Variants in SRGAP2B observed in about 807,000 individuals in gnomAD.
SRGAP2B encodes the protein SLIT-ROBO Rho GTPase activating protein 2B.
A neutral mutation model predicts 22.2 loss-of-function variants in SRGAP2B; 9 were observed. That is an observed-to-expected ratio of 0.41 (90% CI 0.24 to 0.71). SRGAP2B has a LOEUF of 0.71. SRGAP2B is among the 30% of genes least tolerant of loss of function. SRGAP2B has a pLI of 0.35. For synonymous variants in SRGAP2B, 36 were observed against 87.4 expected (o/e 0.41, Z 3.28); for missense variants, 114 against 235.8 (o/e 0.48, Z 3.38).
intron 2 of SRGAP2B, among the ~76,000 whole-genome samples, chr1:145,040,430 A>C (rs1553627272): frequency 6.7e-6 from 1 of 148,596 alleles, no homozygotes; most frequent in African/African-American, 2.5e-5. Context: ...TGTCTCCTCA[A>C]AACTTAAATT....
chr1:144,902,613 T>G (rs1662714289), intron 7 of SRGAP2B, among the ~76,000 whole-genome samples: 5 of 135,310 alleles, frequency 3.7e-5, no homozygotes, highest in Admixed American at 7.6e-5. Context: ...ATACAAAAAA[T>G]TAGCTGGGCG....
chr1:145,016,692 G>A (rs1448240555), intron 2 of SRGAP2B, among the ~76,000 whole-genome samples: 1 of 106,346 alleles, frequency 9.4e-6, no homozygotes, highest in Non-Finnish European at 1.8e-5. Context: ...TCAGGTTCTG[G>A]ACCCTGAACA....
chr1:144,910,578 C>T (rs1216645626), intron 5 of SRGAP2B, among the ~76,000 whole-genome samples: 1 of 147,502 alleles, frequency 6.8e-6, no homozygotes, highest in Admixed American at 6.7e-5. Flanking sequence ...ATAACAACAG[C>T]CCCAAAGTGT....
chr1:145,088,488 C>T lies in SRGAP2B; in HGVS notation c.67+4347G>A, dbSNP rs1278882270. Among the ~76,000 whole-genome samples the T allele has an allele frequency of 1.2e-4, 17 of 144,860 alleles. No homozygotes were observed. The South Asian group carries it at 3.0e-3, about 26-fold the overall frequency. On this transcript the variant is annotated intron_variant, in intron 2 of 9. Coordinates refer to ENST00000612199, the Ensembl canonical transcript of SRGAP2B. ...AAAAAGACAAGACCCCTAATGTTCT[C>T]GAGAAAGAAAATGTGACTGCTCAGC...
At chr1:145,080,007 T>TG in intron 2 of SRGAP2B, among the ~76,000 whole-genome samples, 1 of 149,478 alleles carries the variant, frequency 6.7e-6, no homozygotes, top group East Asian at 1.9e-4. Context: ...ATTTCTTTAA[T>TG]TTTCATTAAG....
chr1:145,086,713 C>T (rs1197494005), intron 2 of SRGAP2B, among the ~76,000 whole-genome samples: 4 of 87,314 alleles, frequency 4.6e-5, no homozygotes, highest in African/African-American at 2.1e-4. Context: ...AAAAAGAACA[C>T]CCCTATGTTA....
chr1:144,931,512 T>C (rs1487623958), intron 4 of SRGAP2B, among the ~76,000 whole-genome samples: 1 of 150,622 alleles, frequency 6.6e-6, no homozygotes, highest in Non-Finnish European at 1.5e-5. Context: ...ATTCATCAGA[T>C]ATATTCTGCA....
chr1:145,082,311 AT>A (rs1653007706), intron 2 of SRGAP2B, among the ~76,000 whole-genome samples: 1 of 141,656 alleles, frequency 7.1e-6, no homozygotes, highest in African/African-American at 2.9e-5. Context: ...CTCCTTCCCC[AT>A]TTACCAAAGA....
intron 2 of SRGAP2B, among the ~76,000 whole-genome samples, chr1:145,007,854 T>C (rs1671720198): frequency 8.8e-6 from 1 of 113,342 alleles, no homozygotes; most frequent in Non-Finnish European, 1.7e-5. Context: ...TTGCCCAGGC[T>C]GGAGTGCAAT....
chr1:144,969,901 A>G (rs1366737608), intron 3 of SRGAP2B, among the ~76,000 whole-genome samples: 1 of 150,986 alleles, frequency 6.6e-6, no homozygotes, highest in Non-Finnish European at 1.5e-5. Flanking sequence ...AAAAATGCTC[A>G]TCATCACTGG....
At chr1:144,985,733 A>G (rs1269263607) in intron 3 of SRGAP2B, among the ~76,000 whole-genome samples, 1 of 149,628 alleles carries the variant, frequency 6.7e-6, no homozygotes, top group African/African-American at 2.5e-5. Flanking sequence ...ACAGAATTTC[A>G]GACATTAGCA....
At chr1:144,912,044 A>G (rs1446199899) in intron 5 of SRGAP2B, among the ~76,000 whole-genome samples, 31 of 118,026 alleles carry the variant, frequency 2.6e-4, no homozygotes, top group Middle Eastern at 6.5e-3. Context: ...TCTGCCTCCC[A>G]GGTTCAAGCC....
In SRGAP2B at chr1:145,040,488, A is replaced by G. The variant is rs587685145; in HGVS notation, c.68-45288T>C. On this transcript the variant is annotated intron_variant, in intron 2 of 9. Coordinates refer to ENST00000612199, the Ensembl canonical transcript of SRGAP2B. ...TAAACTCTTCCTATAAAGGCCAGAT[A>G]GTAAATATTTTAGGCTTCTGGGCCA... is the stretch of plus-strand genomic sequence containing the variant. Among the ~76,000 whole-genome samples, 6 of 151,092 alleles carry G rather than the reference A, an allele frequency of 4.0e-5. No individual in the cohort carries two copies. In the South Asian group the frequency reaches 1.1e-3, roughly 27 times the overall value.
intron 2 of SRGAP2B, among the ~76,000 whole-genome samples, chr1:145,017,867 A>G (rs1553623500): frequency 1.3e-5 from 2 of 150,758 alleles, no homozygotes; most frequent in Admixed American, 1.3e-4. Context: ...TTTCTTCCTA[A>G]TTGCCTCTAT....
intron 2 of SRGAP2B, among the ~76,000 whole-genome samples, chr1:145,079,756 CA>C (rs1163579429): frequency 7.1e-6 from 1 of 140,040 alleles, no homozygotes; most frequent in Non-Finnish European, 1.5e-5. Flanking sequence ...GAAAACATTT[CA>C]ATTCCACATT....
chr1:144,965,263 G>C (rs1377473541), intron 3 of SRGAP2B: 1 of 487,442 alleles, frequency 2.1e-6, no homozygotes, highest in Admixed American at 3.2e-5. Flanking sequence ...GAAGAGAGCA[G>C]TGGTTCTCCC....
At chr1:144,921,657 T>TA (rs1354062236) in intron 4 of SRGAP2B, among the ~76,000 whole-genome samples, 1 of 121,554 alleles carries the variant, frequency 8.2e-6, no homozygotes, top group African/African-American at 3.5e-5. Flanking sequence ...CTGAAAAACT[T>TA]AGTCTAAAAA....
At chr1:145,032,577 GAA>G (rs1206185357) in intron 2 of SRGAP2B, among the ~76,000 whole-genome samples, 1 of 77,148 alleles carries the variant, frequency 1.3e-5, no homozygotes, top group Non-Finnish European at 2.3e-5. Context: ...CCATCTCAAA[GAA>G]AAAAAAAAAG....
chr1:144,970,668 C>T (rs1349061188), intron 3 of SRGAP2B, among the ~76,000 whole-genome samples: 3 of 146,442 alleles, frequency 2.0e-5, no homozygotes, highest in Non-Finnish European at 4.5e-5. Flanking sequence ...AAGCATGATT[C>T]AGTGTAGTTG....
Sources: allele counts gnomAD v4.1 joint callset (sites outside exome capture counted in the v4.1 genomes callset), GRCh38; gene constraint gnomAD v4.1.1; transcripts MANE v1.5; gene names NCBI Gene and HGNC (gene_info 2026-07-23, HGNC 2026-07-21).